KSR2: variants seen among roughly 807,000 people sequenced by gnomAD.
KSR2 encodes kinase suppressor of ras 2.
Under a neutral mutation model 107.8 loss-of-function variants are expected in KSR2, and 25 were observed. That is an observed-to-expected ratio of 0.23 (90% CI 0.17 to 0.32). The LOEUF (loss-of-function observed/expected upper bound fraction) is 0.32. Among genes scored for constraint, KSR2 ranks in the 10% least tolerant of loss-of-function variants. The probability of loss-of-function intolerance (pLI) is 1.00; values close to 1 mark genes in which losing one functional copy is unlikely to be tolerated. For synonymous variants in KSR2, 480 were observed against 507.0 expected (o/e 0.95, Z 0.71); for missense variants, 887 against 1,268.9 (o/e 0.70, Z 4.57).
chr12:117,587,619 A>G (rs1157679278), intron 5 of KSR2, among the ~76,000 whole-genome samples: 1 of 152,184 alleles, frequency 6.6e-6, no homozygotes, highest in Non-Finnish European at 1.5e-5. Flanking sequence ...AGCCATGGGA[A>G]ACTGACACAG....
At chr12:117,899,488 CA>C (rs529208897) in intron 1 of KSR2, among the ~76,000 whole-genome samples, 13 of 149,594 alleles carry the variant, frequency 8.7e-5, no homozygotes, top group East Asian at 2.0e-4. Flanking sequence ...GACCCTGTCT[CA>C]AAAAAAAATT....
chr12:117,779,538 C>A (rs1456562622), intron 3 of KSR2, among the ~76,000 whole-genome samples: 1 of 152,094 alleles, frequency 6.6e-6, no homozygotes, highest in Non-Finnish European at 1.5e-5. Context: ...GCTCTATGTC[C>A]CCACTCAACT....
intron 4 of KSR2, among the ~76,000 whole-genome samples, chr12:117,700,746 C>T (rs1341732570): frequency 2.6e-5 from 4 of 152,170 alleles, no homozygotes; most frequent in African/African-American, 4.8e-5. Context: ...GAATCCTCAA[C>T]GTGGGAGCAA....
Position 117,527,352 on chromosome 12 carries a change from C to CACACACACACACACAG in KSR2, c.1803-234_1803-233insCTGTGTGTGTGTGTGT, listed in dbSNP as rs1565884977. On this transcript the variant is annotated intron_variant, in intron 12 of 19. Coordinates refer to ENST00000339824, the MANE Select transcript of KSR2 (RefSeq NM_173598.6). The stretch of plus-strand genomic sequence containing the variant: ...ACACACACACACACACACACAGACA[C>CACACACACACACACAG]ACACACACACACACAACACAGTGCG... 2.1e-5 allele frequency among the ~76,000 whole-genome samples: 3 copies of CACACACACACACACAG among 144,286 alleles called. No individual in the cohort carries two copies. The South Asian group carries it at 6.6e-4, about 32-fold the overall frequency. 94.7% of individuals were successfully genotyped at this position (144,286 alleles called of 152,430 possible).
Position 117,968,266 on chromosome 12 carries a change from G to T in KSR2, c.-11C>A. ...GTTTTCCTCATCCATCGCTTGCTCTGCAACCCCCTTCCCCTCCTCCTCCTC... is the reference window on the plus strand; with the variant it reads ...GTTTTCCTCATCCATCGCTTGCTCTTCAACCCCCTTCCCCTCCTCCTCCTC... On this transcript the variant is annotated 5_prime_UTR_variant, in exon 1 of 20. Coordinates refer to ENST00000339824, the MANE Select transcript of KSR2 (RefSeq NM_173598.6). The T allele has an allele frequency of 8.6e-7, 1 of 1,158,498 alleles. No individual in the cohort carries two copies. The highest frequency in any genetic ancestry group is 5.3e-5 in the East Asian group (1 of 19,012). 71.8% of individuals were successfully genotyped at this position (1,158,498 alleles called of 1,614,324 possible). A position where few individuals can be genotyped will look rare whatever the true frequency, so the allele number is the denominator to read the frequency against.
chr12:117,794,546 T>A (rs1345483356), intron 3 of KSR2, among the ~76,000 whole-genome samples: 2 of 108,280 alleles, frequency 1.8e-5, no homozygotes, highest in African/African-American at 7.8e-5. Context: ...ACATGCACAC[T>A]CAACCAACAT....
intron 1 of KSR2, among the ~76,000 whole-genome samples, chr12:117,952,505 A>G (rs1292351621): frequency 6.6e-6 from 1 of 151,570 alleles, no homozygotes; most frequent in Non-Finnish European, 1.5e-5. Flanking sequence ...ATATTTGTAA[A>G]ATATTTTTAC....
rs147281748 is a variant in KSR2, at chr12:117,566,467, A to G, written c.1326-7894T>C. On this transcript the variant is annotated intron_variant, in intron 7 of 19. Transcript: ENST00000339824. ...TGTTCTCATCATTTAGCTCCCACTT[A>G]TAAGTGAGAACATGTGGTATTTGGT... is the stretch of plus-strand genomic sequence containing the variant. Among the ~76,000 whole-genome samples, 27 of 152,290 alleles carry G rather than the reference A, an allele frequency of 1.8e-4. 1 individual carries two copies. In the East Asian group the frequency reaches 5.0e-3, roughly 28 times the overall value.
chr12:117,751,877 T>C (rs1888624903), intron 4 of KSR2, among the ~76,000 whole-genome samples: 1 of 152,172 alleles, frequency 6.6e-6, no homozygotes, highest in Non-Finnish European at 1.5e-5. Context: ...AATTACCAAA[T>C]GAGTATGGCA....
rs558535142 is a variant in KSR2, at chr12:117,750,076, C to T, written c.986+10935G>A. ...CAGCCTGGCCAACATGGTGAAACCC[C>T]GTCTCTACTAAAAATACAAAAAAAT... On this transcript the variant is annotated intron_variant, in intron 4 of 19. Transcript: ENST00000339824. Among the ~76,000 whole-genome samples, 20 of 151,940 alleles carry T rather than the reference C, an allele frequency of 1.3e-4. No individual in the cohort carries two copies. In the East Asian group the frequency reaches 2.5e-3, roughly 19 times the overall value.
At chr12:117,483,400 A>T (rs900732346) in intron 16 of KSR2, among the ~76,000 whole-genome samples, 4 of 152,176 alleles carry the variant, frequency 2.6e-5, no homozygotes, top group Non-Finnish European at 5.9e-5. Flanking sequence ...TAAAATAAAA[A>T]AAAATCAGTG....
intron 16 of KSR2, among the ~76,000 whole-genome samples, chr12:117,480,028 A>ATG (rs55877244): frequency 0.02 from 2,949 of 148,628 alleles, 86 homozygotes; most frequent in African/African-American, 0.061. Context: ...ACACATGTGT[A>ATG]TGTGTGTGTG....
intron 14 of KSR2, among the ~76,000 whole-genome samples, chr12:117,519,809 T>G (rs1874628733): frequency 6.6e-6 from 1 of 152,040 alleles, no homozygotes; most frequent in Non-Finnish European, 1.5e-5. Flanking sequence ...CGTGTGTGTG[T>G]GCATGGTTGT....
At chr12:117,950,546 G>A (rs1171862708) in intron 1 of KSR2, among the ~76,000 whole-genome samples, 1 of 151,630 alleles carries the variant, frequency 6.6e-6, no homozygotes, top group East Asian at 1.9e-4. Flanking sequence ...ACCAGCCTGG[G>A]CAACATGGCA....
intron 4 of KSR2, among the ~76,000 whole-genome samples, chr12:117,747,560 C>A (rs1888456304): frequency 6.6e-6 from 1 of 151,664 alleles, no homozygotes; most frequent in Admixed American, 6.6e-5. Flanking sequence ...TGTGACAAAC[C>A]TACACATTCT....
intron 4 of KSR2, among the ~76,000 whole-genome samples, chr12:117,699,456 T>C (rs968073174): frequency 2.0e-5 from 3 of 152,250 alleles, no homozygotes; most frequent in South Asian, 4.1e-4. Flanking sequence ...ATCTAGGTGG[T>C]AGAGCCTACT....
intron 3 of KSR2, among the ~76,000 whole-genome samples, chr12:117,817,729 G>C (rs1891421957): frequency 6.6e-6 from 1 of 152,188 alleles, no homozygotes; most frequent in African/African-American, 2.4e-5. Flanking sequence ...TTATACCTCA[G>C]GAGGCTATGA....
At chr12:117,573,077 C>A (rs1182879782) in intron 7 of KSR2, among the ~76,000 whole-genome samples, 5 of 152,206 alleles carry the variant, frequency 3.3e-5, no homozygotes, top group Non-Finnish European at 5.9e-5. Context: ...TAGATAACTG[C>A]AAATTGCTTT....
intron 5 of KSR2, among the ~76,000 whole-genome samples, chr12:117,647,258 C>T (rs567364079): frequency 1.6e-4 from 25 of 152,276 alleles, no homozygotes; most frequent in African/African-American, 5.5e-4. Context: ...CCTGGTCATG[C>T]CCTGACTTTT....
Sources: gnomAD v4.1 joint callset for allele counts (sites outside exome capture counted in the v4.1 genomes callset) on GRCh38, gnomAD v4.1.1 for gene constraint, MANE v1.5 for transcripts, NCBI Gene and HGNC (gene_info 2026-07-23, HGNC 2026-07-21) for gene names.